Variants in SGCD observed in about 807,000 individuals in gnomAD.
SGCD encodes the protein sarcoglycan delta.
In SGCD, 18 loss-of-function variants were observed where a neutral mutation model predicts 36.6. The ratio of observed to expected loss-of-function variants is 0.49; its 90% confidence interval spans 0.34 to 0.73. The LOEUF (loss-of-function observed/expected upper bound fraction) is 0.73. Ranked by LOEUF, SGCD falls within the 30% of genes least tolerant of loss-of-function variation. SGCD has a pLI of 0.01. For missense variants in SGCD, 387 were observed against 346.7 expected (o/e 1.12, Z -0.92); for synonymous variants, 133 against 130.6 (o/e 1.02, Z -0.12).
At chr5:155,932,230 A>G (rs1757113432) in intron 1 of SGCD, among the ~76,000 whole-genome samples, 1 of 152,198 alleles carries the variant, frequency 6.6e-6, no homozygotes, top group Non-Finnish European at 1.5e-5. Context: ...ATACTCTTTT[A>G]CTGTAGCACT....
At chr5:156,605,297 A>G (rs1459094559) in intron 6 of SGCD, among the ~76,000 whole-genome samples, 4 of 151,828 alleles carry the variant, frequency 2.6e-5, no homozygotes, top group South Asian at 2.1e-4. Flanking sequence ...GAGAACATGC[A>G]GTGTTTGGTT....
chr5:156,024,950 T>C (rs1189928534), intron 1 of SGCD, among the ~76,000 whole-genome samples: 1 of 131,434 alleles, frequency 7.6e-6, no homozygotes, highest in Non-Finnish European at 1.6e-5. Flanking sequence ...AGTGCGAGAC[T>C]CCATCTCAAA....
intron 3 of SGCD, among the ~76,000 whole-genome samples, chr5:156,233,224 T>G (rs1171567651): frequency 3.3e-5 from 5 of 151,638 alleles, no homozygotes; most frequent in Admixed American, 6.6e-5. Flanking sequence ...ATACTAAGAT[T>G]TGCTCCAACT....
intron 2 of SGCD, among the ~76,000 whole-genome samples, chr5:156,122,843 T>TAAAAAAAAAAAAAAAAAAAAAAAA: frequency 1.8e-5 from 1 of 54,158 alleles, no homozygotes; most frequent in Non-Finnish European, 3.2e-5. Flanking sequence ...AAAGATGTGG[T>TAAAAAAAAAAAAAAAAAAAAAAAA]AAAAAAAAAA....
chr5:156,367,274 G>A (rs1215295295), intron 3 of SGCD, among the ~76,000 whole-genome samples: 1 of 152,184 alleles, frequency 6.6e-6, no homozygotes, highest in Non-Finnish European at 1.5e-5. Flanking sequence ...GAAAGGGCAT[G>A]GAGATATGAA....
Position 156,022,700 on chromosome 5 carries a change from C to T in SGCD, c.-281-95178C>T, listed in dbSNP as rs569321665. 5.9e-5 allele frequency among the ~76,000 whole-genome samples: 9 copies of T among 152,256 alleles called. No individual in the cohort carries two copies. In the South Asian group the frequency reaches 1.7e-3, roughly 28 times the overall value. On this transcript the variant is annotated intron_variant, in intron 1 of 9. Transcript: ENST00000517913. ...AGAAAGGAATATGTGAGGCAAGTTA[C>T]TTTCTATTAAATATTTTTAATTGTT...
chr5:156,749,105 T>G (rs554913527), intron 7 of SGCD, among the ~76,000 whole-genome samples: 1 of 152,256 alleles, frequency 6.6e-6, no homozygotes, highest in African/African-American at 2.4e-5. Context: ...AAATGTTCTC[T>G]ATTATAAGAT....
the SGCD span, among the ~76,000 whole-genome samples, chr5:155,764,396 A>G: frequency 3.9e-5 from 6 of 152,160 alleles, no homozygotes; most frequent in Non-Finnish European, 2.9e-5. Flanking sequence ...ACTGTGGCTC[A>G]GATAATTGAG....
chr5:155,738,724 G>A, the SGCD span, among the ~76,000 whole-genome samples: 24 of 148,904 alleles, frequency 1.6e-4, no homozygotes, highest in Non-Finnish European at 2.7e-4. Flanking sequence ...GTGAGAGAGT[G>A]TGTGTGAGAG....
At chr5:156,288,975 G>A (rs1766688124) in intron 3 of SGCD, among the ~76,000 whole-genome samples, 1 of 152,022 alleles carries the variant, frequency 6.6e-6, no homozygotes, top group African/African-American at 2.4e-5. Context: ...GCACATTATT[G>A]GCATTAGGTA....
intron 3 of SGCD, among the ~76,000 whole-genome samples, chr5:156,141,764 T>C (rs1458469972): frequency 2.0e-5 from 3 of 152,198 alleles, no homozygotes; most frequent in Non-Finnish European, 4.4e-5. Context: ...TATATCCCTG[T>C]TGCATTGTCT....
chr5:155,844,733 G>A, the SGCD span, among the ~76,000 whole-genome samples: 63 of 152,272 alleles, frequency 4.1e-4, no homozygotes, highest in East Asian at 0.012. Flanking sequence ...ATGAAAGACA[G>A]TGAGTGACTC....
At chr5:156,479,024 A>T (rs1178758093) in intron 3 of SGCD, among the ~76,000 whole-genome samples, 1 of 152,200 alleles carries the variant, frequency 6.6e-6, no homozygotes, top group Non-Finnish European at 1.5e-5. Context: ...GGGAGGGGAT[A>T]TATGTATACA....
the SGCD span, among the ~76,000 whole-genome samples, chr5:155,860,008 C>T: frequency 6.6e-6 from 1 of 152,240 alleles, no homozygotes; most frequent in African/African-American, 2.4e-5. Flanking sequence ...TCTATCAGGA[C>T]ATCTCTAGAG....
intron 3 of SGCD, among the ~76,000 whole-genome samples, chr5:156,439,545 G>C (rs1753394579): frequency 6.6e-6 from 1 of 151,970 alleles, no homozygotes. Context: ...ACCATGGTGG[G>C]GTTAACATTC....
chr5:156,463,905 A>C (rs1021888569), intron 3 of SGCD, among the ~76,000 whole-genome samples: 26 of 152,178 alleles, frequency 1.7e-4, no homozygotes, highest in Non-Finnish European at 1.6e-4. Context: ...ATAGTGAGCC[A>C]TGATCCTGCC....
In SGCD at chr5:156,226,294, T is replaced by A. The variant is rs535133771; in HGVS notation, c.-44+102275T>A. On this transcript the variant is annotated intron_variant, in intron 3 of 9. Coordinates refer to the SGCD transcript ENST00000517913. ...CCTTTGCATCCTCATAGCTTAGCTCTCACTTATGAGTGAGAACATCCGATG... is the reference window on the plus strand; with the variant it reads ...CCTTTGCATCCTCATAGCTTAGCTCACACTTATGAGTGAGAACATCCGATG... 1.2e-4 allele frequency among the ~76,000 whole-genome samples: 18 copies of A among 152,248 alleles called. No individual in the cohort carries two copies. The South Asian group carries it at 1.2e-3, about 11-fold the overall frequency.
chr5:155,884,247 C>T (rs150784776), intron 1 of SGCD, among the ~76,000 whole-genome samples: 1 of 152,136 alleles, frequency 6.6e-6, no homozygotes, highest in African/African-American at 2.4e-5. Context: ...ACTTTCAAGC[C>T]ACTTGTTTGT....
chr5:156,613,085 T>A (rs1441141148), intron 6 of SGCD, among the ~76,000 whole-genome samples: 1 of 152,228 alleles, frequency 6.6e-6, no homozygotes, highest in Non-Finnish European at 1.5e-5. Flanking sequence ...CCTCTCTCTG[T>A]GGTGCTTTCC....
Sources: allele counts gnomAD v4.1 joint callset (sites outside exome capture counted in the v4.1 genomes callset), GRCh38; gene constraint gnomAD v4.1.1; transcripts MANE v1.5; gene names NCBI Gene and HGNC (gene_info 2026-07-23, HGNC 2026-07-21).